The following RBM20 variants were observed in gnomAD, a reference collection of about 807,000 sequenced individuals.
RBM20 encodes RNA-binding protein 20.
RBM20 carries 51 observed loss-of-function variants against 110.1 expected under a neutral mutation model. That is an observed-to-expected ratio of 0.46 (90% confidence interval 0.37 to 0.59). RBM20 has a LOEUF of 0.59. RBM20 is among the 20% of genes least tolerant of loss of function. RBM20 has a pLI of 0.00. For missense variants in RBM20, 1,512 were observed against 1,574.9 expected, an observed-to-expected ratio of 0.96 and a Z score of 0.68; for synonymous variants, 589 against 618.2, an observed-to-expected ratio of 0.95 and a Z score of 0.70.
At chr10:110,708,158 G>A (rs1186089445) in intron 1 of RBM20, among the ~76,000 whole-genome samples, 2 of 152,172 alleles carry the variant, frequency 1.3e-5, no homozygotes, top group Non-Finnish European at 2.9e-5. Context: ...TGCTTAAAGG[G>A]GCTCTGTGCT....
At chr10:110,793,955 AAG>A (rs796539888) in intron 5 of RBM20, among the ~76,000 whole-genome samples, 9 of 152,332 alleles carry the variant, frequency 5.9e-5, no homozygotes, top group African/African-American at 2.2e-4. Context: ...AAGGGCTTAT[AAG>A]AGAGCCCGGG....
At chr10:110,727,763 C>A (rs2134945325) in intron 1 of RBM20, among the ~76,000 whole-genome samples, 1 of 152,332 alleles carries the variant, frequency 6.6e-6, no homozygotes, top group East Asian at 1.9e-4. Flanking sequence ...TTAAGCCCTG[C>A]ATGCCTTAGG....
At chr10:110,756,919 A>G (rs995989242) in intron 1 of RBM20, among the ~76,000 whole-genome samples, 1 of 152,246 alleles carries the variant, frequency 6.6e-6, no homozygotes, top group Non-Finnish European at 1.5e-5. Context: ...AGGTTGGTGC[A>G]TTTATTAATT....
chr10:110,652,806 G>A (rs752677270), intron 1 of RBM20, among the ~76,000 whole-genome samples: 1 of 152,168 alleles, frequency 6.6e-6, no homozygotes, highest in East Asian at 1.9e-4. Flanking sequence ...AGAAATGGAG[G>A]CATTCATAAA....
intron 1 of RBM20, among the ~76,000 whole-genome samples, chr10:110,750,812 G>T (rs1478067248): frequency 6.6e-6 from 1 of 152,172 alleles, no homozygotes; most frequent in Non-Finnish European, 1.5e-5. Context: ...CCTTTCAGGA[G>T]CCAAGAAATA....
At chr10:110,814,784 G>A (rs927983704) in intron 9 of RBM20, among the ~76,000 whole-genome samples, 16 of 152,214 alleles carry the variant, frequency 1.1e-4, no homozygotes, top group African/African-American at 3.1e-4. Flanking sequence ...GTGAGCCGCC[G>A]TGCCCTGCCA....
chr10:110,666,011 GAGAGA>G (rs1176726494), intron 1 of RBM20, among the ~76,000 whole-genome samples: 4 of 150,792 alleles, frequency 2.7e-5, no homozygotes, highest in Non-Finnish European at 5.9e-5. Context: ...GAGAGAGAGA[GAGAGA>G]GGGGAAGGAA....
chr10:110,659,867 A>AT (rs1862077695), intron 1 of RBM20, among the ~76,000 whole-genome samples: 2 of 101,074 alleles, frequency 2.0e-5, no homozygotes, highest in Non-Finnish European at 2.1e-5. Context: ...TTTTTTTTTT[A>AT]ATTTTTTTTT....
rs1176057123 is a variant in RBM20 at position 110,812,920 on chromosome 10, A to G, written c.2523A>G (p.Arg841=). 2 of 1,452,764 alleles carry G rather than the reference A, an allele frequency of 1.4e-6. No homozygotes were observed. The highest frequency in any genetic ancestry group is 2.5e-5 in the East Asian group (1 of 40,012). The allele number at this position is 1,452,764 out of a possible 1,614,324, so 90.0% of individuals were successfully genotyped here. A position where few individuals can be genotyped will look rare whatever the true frequency, so the allele number is the denominator to read the frequency against. Residue 841 remains arginine (R), a synonymous_variant, in exon 9 of 14, where the codon AGA becomes AGG. Transcript: ENST00000369519. ...TDRDQEGADD[R]KENTMAENEA... is the part of the protein sequence containing the mutation. Reference sequence around the variant, plus strand: ...GAGACCAAGAAGGAGCTGATGATAGAAAAGAAAACACAATGGCAGAGAATG... The same window carrying G: ...GAGACCAAGAAGGAGCTGATGATAGGAAAGAAAACACAATGGCAGAGAATG...
rs968894692 is a variant in RBM20 at position 110,740,000 on chromosome 10, C to T, written c.192-40801C>T. ...AAGTGCCCAGACCTGCTCCAGCTGC[C>T]CCTGATACTCAGCAATGCAGACTTG... On this transcript the variant is annotated intron_variant, in intron 1 of 13. Coordinates refer to ENST00000369519, the MANE Select transcript of RBM20 (RefSeq NM_001134363.3). This position sits in a 1 kb window ranked among gnomAD's most constrained non-coding sequence, Gnocchi z 4.1. Among the ~76,000 whole-genome samples, 18 of 152,246 alleles carry T rather than the reference C, an allele frequency of 1.2e-4. No homozygotes were observed. The highest frequency in any genetic ancestry group is 3.1e-4 in the African/African-American group (13 of 41,464).
In RBM20 at chr10:110,823,532, C is replaced by T. The variant is rs780897226; in HGVS notation, c.3369C>T (p.Tyr1123=). 7.2e-6 allele frequency: 11 copies of T among 1,535,068 alleles called. No individual in the cohort carries two copies. The Admixed American group carries it at 2.2e-4, about 31-fold the overall frequency. The change falls in exon 12 of 14, where the codon TAC becomes TAT. Residue 1123 remains tyrosine, a synonymous_variant. Coordinates refer to ENST00000369519, the MANE Select transcript of RBM20 (RefSeq NM_001134363.3). ...MKSLEVRSPE[Y]TEVELKQPLS... ...CTCTGGAGGTGAGGTCACCAGAGTA[C>T]ACTGAAGTGGAACTGAAACAGCCCC...
At chr10:110,717,908 T>C (rs1479591971) in intron 1 of RBM20, among the ~76,000 whole-genome samples, 1 of 152,218 alleles carries the variant, frequency 6.6e-6, no homozygotes, top group African/African-American at 2.4e-5. Flanking sequence ...GCAACCCCAG[T>C]TAGCATTTCT....
chr10:110,794,639 A>T (rs1431879564), intron 5 of RBM20, among the ~76,000 whole-genome samples: 1 of 152,272 alleles, frequency 6.6e-6, no homozygotes, highest in East Asian at 1.9e-4. Context: ...ATCTGGAAGA[A>T]TACTAAAAAT....
At chr10:110,766,646 G>T (rs1299274160) in intron 1 of RBM20, among the ~76,000 whole-genome samples, 2 of 151,156 alleles carry the variant, frequency 1.3e-5, no homozygotes, top group Non-Finnish European at 3.0e-5. Flanking sequence ...TTGGGGGTAA[G>T]GTCACAGATC....
intron 1 of RBM20, among the ~76,000 whole-genome samples, chr10:110,703,212 A>G (rs1205707365): frequency 1.3e-5 from 2 of 151,562 alleles, no homozygotes; most frequent in Admixed American, 1.3e-4. Flanking sequence ...CACCATCTCT[A>G]CTAAAAATAC....
intron 1 of RBM20, among the ~76,000 whole-genome samples, chr10:110,776,864 C>A (rs1428246331): frequency 6.6e-6 from 1 of 152,066 alleles, no homozygotes; most frequent in Non-Finnish European, 1.5e-5. Flanking sequence ...TACTGAAGCT[C>A]CTGCATTGGA....
At chr10:110,750,375 G>A (rs1038656917) in intron 1 of RBM20, among the ~76,000 whole-genome samples, 5 of 152,164 alleles carry the variant, frequency 3.3e-5, no homozygotes, top group African/African-American at 1.2e-4. Flanking sequence ...CTCAGGGGCT[G>A]TGTGCTCTGG....
intron 1 of RBM20, among the ~76,000 whole-genome samples, chr10:110,681,248 C>T (rs752999153): frequency 2.6e-5 from 4 of 152,218 alleles, no homozygotes; most frequent in Non-Finnish European, 5.9e-5. Context: ...CACGTCTCCT[C>T]GCAATAGGGT....
At chr10:110,820,355 C>T (rs113150919) in intron 10 of RBM20, among the ~76,000 whole-genome samples, 179 bp downstream of exon 10, 1 of 152,192 alleles carries the variant, frequency 6.6e-6, no homozygotes, top group South Asian at 2.1e-4. Context: ...AATCTTCGGA[C>T]AGTTTTTATT....
Sources: allele counts gnomAD v4.1 joint callset (sites outside exome capture counted in the v4.1 genomes callset), GRCh38; gene constraint gnomAD v4.1.1; non-coding constraint Gnocchi (gnomAD v3.1); transcripts MANE v1.5; gene names NCBI Gene and HGNC (gene_info 2026-07-23, HGNC 2026-07-21).